Variants in PRSS12 observed in about 807,000 individuals in gnomAD.
PRSS12 encodes neurotrypsin.
PRSS12 carries 85 observed loss-of-function variants against 104.4 expected under a neutral mutation model. That is an observed-to-expected ratio of 0.81 (90% CI 0.68 to 0.98). The LOEUF (loss-of-function observed/expected upper bound fraction) is 0.98. PRSS12 is among the 50% of genes least tolerant of loss of function. The pLI is 0.00. For missense variants in PRSS12, 1,141 were observed against 1,139.2 expected, an observed-to-expected ratio of 1.00 and a Z score of -0.02; for synonymous variants, 454 against 425.2, an observed-to-expected ratio of 1.07 and a Z score of -0.83.
rs924736624 is a variant in PRSS12 at position 118,352,861 on chromosome 4, C to G, written c.-141G>C. 2 of 1,449,034 alleles carry G rather than the reference C, an allele frequency of 1.4e-6. No homozygotes were observed. Among genetic ancestry groups the G allele is most frequent in the South Asian group, 2.8e-5 (2 of 72,130 alleles). The allele number at this position is 1,449,034 out of a possible 1,614,324, so 89.8% of individuals were successfully genotyped here. ...GCCCCCGCACGCGGACCGCCCTCGCCTCCCCAACCTTGCCTCCCGCCGCTG... is the reference window on the plus strand; with the variant it reads ...GCCCCCGCACGCGGACCGCCCTCGCGTCCCCAACCTTGCCTCCCGCCGCTG... On this transcript the variant is annotated 5_prime_UTR_variant, in exon 1 of 13. Transcript: ENST00000296498.
rs1723932270 is a variant in PRSS12 at position 118,331,984 on chromosome 4, A to C, written c.821-118T>G. The C allele has an allele frequency of 6.2e-6, 8 of 1,300,128 alleles. No homozygotes were observed. In the South Asian group the frequency reaches 6.7e-5, roughly 11 times the overall value. The allele number at this position is 1,300,128 out of a possible 1,614,324, so 80.5% of individuals were successfully genotyped here. A position where few individuals can be genotyped will look rare whatever the true frequency, so the allele number is the denominator to read the frequency against. Reference sequence around the variant, plus strand: ...AATTAAATAATATTTATAAAGCCACACCAGTGATATGGACATACGTATATA... The same window carrying C: ...AATTAAATAATATTTATAAAGCCACCCCAGTGATATGGACATACGTATATA... On this transcript the variant is annotated intron_variant, in intron 3 of 12. Coordinates refer to ENST00000296498, the MANE Select transcript of PRSS12 (RefSeq NM_003619.4).
intron 1 of PRSS12, among the ~76,000 whole-genome samples, chr4:118,349,975 C>G (rs980183277): frequency 1.3e-5 from 2 of 151,920 alleles, no homozygotes; most frequent in African/African-American, 2.4e-5. Flanking sequence ...TGCACTCCAG[C>G]CTGGGTGACA....
chr4:118,289,749 T>C (rs899640117), intron 11 of PRSS12, among the ~76,000 whole-genome samples: 7 of 152,170 alleles, frequency 4.6e-5, no homozygotes, highest in African/African-American at 1.7e-4. Context: ...AAACAGGAAG[T>C]CTATGAAATC....
At chr4:118,291,632 T>C (rs1235382984) in intron 11 of PRSS12, among the ~76,000 whole-genome samples, 1 of 152,112 alleles carries the variant, frequency 6.6e-6, no homozygotes, top group Non-Finnish European at 1.5e-5. Flanking sequence ...TTTCTCATTG[T>C]GTGGCACACA....
chr4:118,346,946 C>T (rs949482024), intron 1 of PRSS12, among the ~76,000 whole-genome samples: 13 of 152,228 alleles, frequency 8.5e-5, no homozygotes, highest in East Asian at 7.7e-4. Flanking sequence ...AACACATAGG[C>T]GCACACATGC....
intron 9 of PRSS12, 109 bp downstream of exon 9, chr4:118,298,624 C>A: frequency 8.9e-7 from 1 of 1,128,798 alleles, no homozygotes; most frequent in Non-Finnish European, 1.3e-6. Flanking sequence ...AGACATGGAT[C>A]TGTATACGTT....
In PRSS12 at chr4:118,308,359, G is replaced by A. The variant is rs992268362; in HGVS notation, c.1631+77C>T. On this transcript the variant is annotated intron_variant, in intron 8 of 12. Coordinates refer to ENST00000296498, the MANE Select transcript of PRSS12 (RefSeq NM_003619.4). The stretch of plus-strand genomic sequence containing the variant: ...GACAGAAGCTCATTTTAAGTAAAAA[G>A]TAACTCATTAGATTAAGCATTTAAA... The A allele has an allele frequency of 6.4e-6, 10 of 1,574,548 alleles. No homozygotes were observed. The African/African-American group carries it at 1.1e-4, about 17-fold the overall frequency.
intron 4 of PRSS12, among the ~76,000 whole-genome samples, chr4:118,321,436 G>A (rs190729570): frequency 6.6e-6 from 1 of 152,176 alleles, no homozygotes; most frequent in African/African-American, 2.4e-5. Context: ...CAGACTCTCA[G>A]CTTCCAATCT....
chr4:118,318,404 G>T lies in PRSS12; in HGVS notation c.1124C>A (p.Ala375Asp). Reference protein sequence around the residue: ...GEHNCGHKEDAGVSCTPLTDG... With the variant: ...GEHNCGHKEDDGVSCTPLTDG... ...TGTTAGAGGGGTACAGGACACTCCA[G>T]CATCTTCTTTATGGCCACAGTTATG... Residue 375 changes from alanine (A) to aspartate (D), a missense_variant, in exon 5 of 13, where the codon GCT (alanine) becomes GAT (aspartate). By Grantham distance (126) the Ala-to-Asp change is moderately radical. Coordinates refer to ENST00000296498, the MANE Select transcript of PRSS12 (RefSeq NM_003619.4). 3.1e-6 allele frequency: 5 copies of T among 1,614,086 alleles called. No individual in the cohort carries two copies. In the East Asian group the frequency reaches 1.1e-4, roughly 36 times the overall value.
intron 4 of PRSS12, among the ~76,000 whole-genome samples, chr4:118,326,739 C>T (rs1304061810): frequency 6.6e-6 from 1 of 152,126 alleles, no homozygotes; most frequent in Admixed American, 6.6e-5. Flanking sequence ...GAGCCATAAA[C>T]CTCAAGACTC....
Position 118,321,186 on chromosome 4 carries a change from G to A in PRSS12, c.972-2630C>T, listed in dbSNP as rs1055640030. On this transcript the variant is annotated intron_variant, in intron 4 of 12. Coordinates refer to ENST00000296498, the MANE Select transcript of PRSS12 (RefSeq NM_003619.4). The stretch of plus-strand genomic sequence containing the variant: ...AAATGACAATTTTGTGAGTGAATTT[G>A]TTTGTTTTGCTAAGGGAAATGTAAT... 2.0e-5 allele frequency among the ~76,000 whole-genome samples: 3 copies of A among 152,252 alleles called. No individual in the cohort carries two copies. In the South Asian group the frequency reaches 6.2e-4, roughly 32 times the overall value.
intron 3 of PRSS12, among the ~76,000 whole-genome samples, chr4:118,332,536 A>G (rs993815596): frequency 6.6e-6 from 1 of 152,070 alleles, no homozygotes; most frequent in African/African-American, 2.4e-5. Flanking sequence ...TGCCCTGGAT[A>G]AGACAGCACA....
intron 1 of PRSS12, among the ~76,000 whole-genome samples, chr4:118,342,128 C>T (rs747550126): frequency 3.9e-5 from 6 of 152,120 alleles, no homozygotes; most frequent in Non-Finnish European, 7.3e-5. Context: ...GGACTATGAA[C>T]GTGTGGGTGT....
rs774144354 is a variant in PRSS12 at position 118,318,427 on chromosome 4, A to G, written c.1101T>C (p.His367=). The change falls in exon 5 of 13, where the codon CAT becomes CAC. Residue 367 remains histidine (H), a synonymous_variant. Coordinates refer to ENST00000296498, the MANE Select transcript of PRSS12 (RefSeq NM_003619.4). ...EQCPKSSWGE[H]NCGHKEDAGV... ...CAGCATCTTCTTTATGGCCACAGTT[A>G]TGCTCTCCCCAGGAGCTCTTTGGAC... The G allele has an allele frequency of 3.1e-6, 5 of 1,614,100 alleles. No individual in the cohort carries two copies. The South Asian group carries it at 4.4e-5, about 14-fold the overall frequency.
chr4:118,300,740 T>C (rs967729823), intron 8 of PRSS12, among the ~76,000 whole-genome samples: 1 of 152,158 alleles, frequency 6.6e-6, no homozygotes, highest in Admixed American at 6.5e-5. Flanking sequence ...AAAGTTGATA[T>C]TTCTAGAAAT....
chr4:118,341,544 T>C (rs963998118), intron 1 of PRSS12, among the ~76,000 whole-genome samples: 1 of 152,000 alleles, frequency 6.6e-6, no homozygotes, highest in African/African-American at 2.4e-5. Flanking sequence ...TGGCCAGGCA[T>C]GGTAGCACAT....
chr4:118,331,747 C>A lies in PRSS12; in HGVS notation c.940G>T (p.Ala314Ser), dbSNP rs776516769. Reference sequence around the variant, plus strand: ...CCCAGCTGCCTGCAGATCACTTCTGCATCGGCATCATCCCATTGGTCATCA... The same window carrying A: ...CCCAGCTGCCTGCAGATCACTTCTGAATCGGCATCATCCCATTGGTCATCA... ...VCDDQWDDAD[A>S]EVICRQLGLS... The change falls in exon 4 of 13, where the codon GCA becomes TCA. Residue 314 changes from alanine (A) to serine (S), a missense_variant. Ala to Ser is a moderately conservative substitution (Grantham distance 99, BLOSUM62 1). Coordinates refer to ENST00000296498, the MANE Select transcript of PRSS12 (RefSeq NM_003619.4). 1.9e-6 allele frequency: 3 copies of A among 1,614,178 alleles called. No individual in the cohort carries two copies. In the East Asian group the frequency reaches 6.7e-5, roughly 36 times the overall value.
Position 118,335,422 on chromosome 4 carries a change from C to T in PRSS12, c.820+51G>A, listed in dbSNP as rs773033135. On this transcript the variant is annotated intron_variant, in intron 3 of 12. Coordinates refer to ENST00000296498, the MANE Select transcript of PRSS12 (RefSeq NM_003619.4). The stretch of plus-strand genomic sequence containing the variant: ...AAGACACTTTCATCATCTGGAATCA[C>T]GTTTAAAACATAATGAAAGTAAAAC... The T allele has an allele frequency of 8.8e-6, 14 of 1,591,536 alleles. No individual in the cohort carries two copies. In the East Asian group the frequency reaches 8.9e-5, roughly 10 times the overall value.
chr4:118,316,869 A>G, intron 5 of PRSS12, among the ~76,000 whole-genome samples: 1 of 126,726 alleles, frequency 7.9e-6, no homozygotes, highest in East Asian at 2.2e-4. Context: ...TTTCCTTTTT[A>G]TTGGTACCCC....
Sources: gnomAD v4.1 joint callset for allele counts (sites outside exome capture counted in the v4.1 genomes callset) on GRCh38, gnomAD v4.1.1 for gene constraint, MANE v1.5 for transcripts, NCBI Gene and HGNC (gene_info 2026-07-23, HGNC 2026-07-21) for gene names.